Variants in ZMAT4 observed in about 807,000 individuals in gnomAD.
ZMAT4 encodes the protein zinc finger matrin-type 4.
In ZMAT4, 17 loss-of-function variants were observed where a neutral mutation model predicts 28.7. The observed-to-expected ratio is 0.59, with a 90% CI of 0.41 to 0.89. The LOEUF (loss-of-function observed/expected upper bound fraction) is 0.89, where lower values mean the gene tolerates loss of function less well. Among genes scored for constraint, ZMAT4 ranks in the 40% least tolerant of loss-of-function variants. The probability of loss-of-function intolerance (pLI) is 0.00; values close to 1 mark genes in which losing one functional copy is unlikely to be tolerated. For synonymous variants in ZMAT4, 117 were observed against 109.2 expected, an observed-to-expected ratio of 1.07 and a Z score of -0.44; for missense variants, 240 against 283.8, an observed-to-expected ratio of 0.85 and a Z score of 1.11.
At chr8:40,616,793 G>T (rs1210892513) in intron 5 of ZMAT4, among the ~76,000 whole-genome samples, 2 of 151,360 alleles carry the variant, frequency 1.3e-5, no homozygotes, top group Admixed American at 6.6e-5. Flanking sequence ...GCTAAATGAC[G>T]AGTTAATGGG....
intron 1 of ZMAT4, among the ~76,000 whole-genome samples, chr8:40,861,807 G>A (rs1246259937): frequency 6.6e-6 from 1 of 152,124 alleles, no homozygotes; most frequent in African/African-American, 2.4e-5. Context: ...CAGCCAAAAA[G>A]CACATGAAAA....
intron 3 of ZMAT4, among the ~76,000 whole-genome samples, chr8:40,708,245 G>A (rs1810446684): frequency 1.3e-5 from 2 of 152,196 alleles, no homozygotes; most frequent in Non-Finnish European, 2.9e-5. Flanking sequence ...AAGCCTGGCA[G>A]CCCTGTGTGA....
rs1261708344 is a variant in ZMAT4, at chr8:40,647,831, G to A, written c.577+26873C>T. Among the ~76,000 whole-genome samples, 10 of 152,096 alleles carry A rather than the reference G, an allele frequency of 6.6e-5. No individual in the cohort carries two copies. The South Asian group carries it at 1.5e-3, about 22-fold the overall frequency. On this transcript the variant is annotated intron_variant, in intron 5 of 6. Coordinates refer to ENST00000297737, the MANE Select transcript of ZMAT4 (RefSeq NM_024645.3). ...GCAGGGGCACACTGACACCTCACAC[G>A]CAGGGTATTCCAACAGACCTGCAGC...
chr8:40,865,715 C>T (rs1401425208), intron 1 of ZMAT4, among the ~76,000 whole-genome samples: 1 of 152,184 alleles, frequency 6.6e-6, no homozygotes, highest in African/African-American at 2.4e-5. Flanking sequence ...ATCACACAGC[C>T]TCAGTTTCTA....
chr8:40,836,861 T>G (rs1377036354), intron 1 of ZMAT4, among the ~76,000 whole-genome samples: 2 of 152,226 alleles, frequency 1.3e-5, no homozygotes, highest in Non-Finnish European at 2.9e-5. Flanking sequence ...GTGCTCATTC[T>G]GTTATTAACG....
intron 3 of ZMAT4, among the ~76,000 whole-genome samples, chr8:40,710,883 C>T (rs999090552): frequency 5.3e-5 from 8 of 151,916 alleles, no homozygotes; most frequent in Non-Finnish European, 8.8e-5. Flanking sequence ...CGGGTTCAAG[C>T]GATTCTCCTG....
At chr8:40,821,290 C>G (rs545407490) in intron 2 of ZMAT4, among the ~76,000 whole-genome samples, 2 of 152,164 alleles carry the variant, frequency 1.3e-5, no homozygotes, top group Non-Finnish European at 2.9e-5. Flanking sequence ...TTTTTACCCC[C>G]GTAACGCTTA....
At chr8:40,595,056 A>T (rs148386382) in intron 5 of ZMAT4, among the ~76,000 whole-genome samples, 1 of 152,362 alleles carries the variant, frequency 6.6e-6, no homozygotes, top group Non-Finnish European at 1.5e-5. Flanking sequence ...AGTTAAGTTC[A>T]TAAACCAGAT....
chr8:40,829,170 A>G (rs1186556130), intron 1 of ZMAT4, among the ~76,000 whole-genome samples: 1 of 152,186 alleles, frequency 6.6e-6, no homozygotes, highest in Non-Finnish European at 1.5e-5. Flanking sequence ...GAGGGATACA[A>G]GAGTAGGGGA....
chr8:40,761,673 C>T (rs1448933652), intron 3 of ZMAT4, among the ~76,000 whole-genome samples: 9 of 152,256 alleles, frequency 5.9e-5, no homozygotes, highest in South Asian at 2.1e-4. Flanking sequence ...TTACAGCATG[C>T]GGCTCTGTAC....
chr8:40,724,928 C>A (rs890568153), intron 3 of ZMAT4, among the ~76,000 whole-genome samples: 1 of 152,286 alleles, frequency 6.6e-6, no homozygotes, highest in African/African-American at 2.4e-5. Context: ...ACACTCACTG[C>A]AGAATATTTT....
At chr8:40,641,442 A>C (rs1490241253) in intron 5 of ZMAT4, among the ~76,000 whole-genome samples, 1 of 152,244 alleles carries the variant, frequency 6.6e-6, no homozygotes, top group Non-Finnish European at 1.5e-5. Flanking sequence ...TGCACACTTT[A>C]AACATCTCAA....
At chr8:40,715,964 A>T (rs1296815469) in intron 3 of ZMAT4, among the ~76,000 whole-genome samples, 1 of 152,240 alleles carries the variant, frequency 6.6e-6, no homozygotes, top group Non-Finnish European at 1.5e-5. Context: ...GTGGTTTTAT[A>T]ACTTTATCAC....
At chr8:40,802,066 G>A (rs886290461) in intron 2 of ZMAT4, among the ~76,000 whole-genome samples, 1 of 152,142 alleles carries the variant, frequency 6.6e-6, no homozygotes, top group Non-Finnish European at 1.5e-5. Context: ...TAGGAATAGA[G>A]AAACATTTTC....
chr8:40,593,855 T>C (rs1804992687), intron 5 of ZMAT4, among the ~76,000 whole-genome samples: 1 of 152,182 alleles, frequency 6.6e-6, no homozygotes, highest in African/African-American at 2.4e-5. Flanking sequence ...TTCTAGCTCT[T>C]AGATCTTCAT....
At chr8:40,851,169 A>T (rs890260984) in intron 1 of ZMAT4, among the ~76,000 whole-genome samples, 5 of 152,130 alleles carry the variant, frequency 3.3e-5, no homozygotes, top group African/African-American at 9.7e-5. Flanking sequence ...TCTGCTAAAA[A>T]TATAAAACTT....
chr8:40,726,914 T>A (rs1414971816), intron 3 of ZMAT4, among the ~76,000 whole-genome samples: 1 of 152,154 alleles, frequency 6.6e-6, no homozygotes, highest in Non-Finnish European at 1.5e-5. Context: ...AGGTCTCACA[T>A]CCTCTAGTTC....
intron 2 of ZMAT4, among the ~76,000 whole-genome samples, chr8:40,822,179 A>C (rs1314427942): frequency 6.6e-6 from 1 of 152,222 alleles, no homozygotes; most frequent in Non-Finnish European, 1.5e-5. Context: ...GGAATCATAC[A>C]GGTATTTTTG....
chr8:40,842,170 G>A (rs572282044), intron 1 of ZMAT4, among the ~76,000 whole-genome samples: 1 of 152,304 alleles, frequency 6.6e-6, no homozygotes, highest in African/African-American at 2.4e-5. Context: ...GGCAGCAATG[G>A]TGGTCCCCCA....
Sources: allele counts gnomAD v4.1 joint callset (sites outside exome capture counted in the v4.1 genomes callset), GRCh38; gene constraint gnomAD v4.1.1; transcripts MANE v1.5; gene names NCBI Gene and HGNC (gene_info 2026-07-23, HGNC 2026-07-21).